Variants in HLA-DPB1 observed in about 807,000 individuals in gnomAD.
HLA-DPB1 encodes the protein major histocompatibility complex, class II, DP beta 1, also known as HLA class II histocompatibility antigen, DP beta 1 chain.
HLA-DPB1 carries 30 observed loss-of-function variants against 29.4 expected under a neutral mutation model. The ratio of observed to expected loss-of-function variants is 1.02; its 90% CI spans 0.76 to 1.38. The LOEUF is 1.38. Ranked by LOEUF, HLA-DPB1 falls within the 40% of genes most tolerant of loss-of-function variation. The pLI is 0.00. For missense variants in HLA-DPB1, 261 were observed against 327.5 expected (o/e 0.80, Z 1.57); for synonymous variants, 114 against 134.0 (o/e 0.85, Z 1.03).
At chr6:33,086,098 A>G in intron 4 of HLA-DPB1, 121 bp from the exon 5 acceptor site, 1 of 960,648 alleles carries the variant, frequency 1.0e-6, no homozygotes. Context: ...CCAAGTACTC[A>G]GGCTCCTGCG....
intron 5 of HLA-DPB1, 26 bp downstream of exon 5, chr6:33,086,268 GT>G: frequency 6.5e-6 from 10 of 1,546,942 alleles, no homozygotes; most frequent in African/African-American, 1.4e-5. Flanking sequence ...TGATTTCCTT[GT>G]GGGGTGGGTT....
At chr6:33,085,717 C>G (rs965382705) in intron 3 of HLA-DPB1, 62 bp from the exon 4 acceptor site, 1 of 1,093,016 alleles carries the variant, frequency 9.1e-7, no homozygotes, top group Non-Finnish European at 1.4e-6. Flanking sequence ...GAATCTCAGA[C>G]AGGACATGAG....
Position 33,080,642 on chromosome 6 carries a change from C to T in HLA-DPB1, c.101-30C>T. On this transcript the variant is annotated intron_variant, in intron 1 of 5. Transcript: ENST00000418931. This position sits in a 1 kb window ranked among gnomAD's most constrained non-coding sequence, Gnocchi z 4.3. ...GAAAGAGGATTAGATGAGAGTGGCG[C>T]CTCCGCTCATGTCCGCCCCCTCCCC... 6.2e-7 allele frequency: 1 copy of T among 1,611,958 alleles called. No homozygotes were observed. Among genetic ancestry groups the T allele is most frequent in the South Asian group, 1.1e-5 (1 of 91,038 alleles).
At chr6:33,078,290 A>G (rs1762657897) in intron 1 of HLA-DPB1, among the ~76,000 whole-genome samples, 1 of 152,122 alleles carries the variant, frequency 6.6e-6, no homozygotes, top group Non-Finnish European at 1.5e-5. Context: ...GCGTAGAATG[A>G]ATGTTCAATC....
chr6:33,084,974 C>T lies in HLA-DPB1; in HGVS notation c.389C>T (p.Pro130Leu), dbSNP rs1182203666. The change falls in exon 3 of 6, where the codon CCC becomes CTC. Residue 130 changes from proline to leucine, a missense_variant. Transcript: ENST00000418931. ...RRVQPRVNVS[P>L]SKKGPLQHHN... is the part of the protein sequence containing the mutation. ...GTCCAGCCTAGGGTGAATGTTTCCC[C>T]CTCCAAGAAGGGGCCCTTGCAGCAC... The T allele has an allele frequency of 2.5e-6, 4 of 1,593,978 alleles. 1 individual carries two copies. The highest frequency in any genetic ancestry group is 3.4e-6 in the Non-Finnish European group (4 of 1,163,736).
In HLA-DPB1 at chr6:33,086,899, C is replaced by A. The variant is rs143935385; in HGVS notation, c.*365C>A. 9.8e-4 allele frequency: 268 copies of A among 273,208 alleles called. 2 individuals carry two copies. The highest frequency in any genetic ancestry group is 6.0e-3 in the African/African-American group (256 of 43,006). The allele number at this position is 273,208 out of a possible 1,614,324, so 16.9% of individuals were successfully genotyped here. A position where few individuals can be genotyped will look rare whatever the true frequency, so the allele number is the denominator to read the frequency against. ...GTTTAAACATAGGAAAGAAGAGAAC[C>A]ATGAAAATGGGGATATGTTAACTAT... is the stretch of plus-strand genomic sequence containing the variant. On this transcript the variant is annotated 3_prime_UTR_variant, in exon 6 of 6. Coordinates refer to ENST00000418931, the MANE Select transcript of HLA-DPB1 (RefSeq NM_002121.6).
Position 33,088,531 on chromosome 6 carries a change from G to A in HLA-DPB1, c.*1997G>A, listed in dbSNP as rs1025833134. 6.6e-6 allele frequency among the ~76,000 whole-genome samples: 1 copy of A among 152,170 alleles called. No individual in the cohort carries two copies. The highest frequency in any genetic ancestry group is 2.4e-5 in the African/African-American group (1 of 41,442). On this transcript the variant is annotated 3_prime_UTR_variant, in exon 6 of 6. Transcript: ENST00000418931. The stretch of plus-strand genomic sequence containing the variant: ...GATGTGTCTCACTCTGACATATGCA[G>A]GTGTTTATGAAACTCTGGGATTTCT...
chr6:33,082,583 G>A (rs1338901827), intron 2 of HLA-DPB1, among the ~76,000 whole-genome samples: 1 of 152,154 alleles, frequency 6.6e-6, no homozygotes, highest in Non-Finnish European at 1.5e-5. Context: ...AGACTACTAA[G>A]GGTGCTGGCT....
At chr6:33,086,041 A>T in intron 4 of HLA-DPB1, 152 bp downstream of exon 4, 1 of 776,566 alleles carries the variant, frequency 1.3e-6, no homozygotes. Context: ...CTATAGCGAG[A>T]GAGGGATCCC....
intron 4 of HLA-DPB1, 105 bp downstream of exon 4, chr6:33,085,994 G>GACCAA (rs1274058423): frequency 4.8e-6 from 4 of 828,618 alleles, no homozygotes; most frequent in Non-Finnish European, 7.8e-6. Flanking sequence ...AAGCTCTAGA[G>GACCAA]GCCACTGATA....
intron 2 of HLA-DPB1, among the ~76,000 whole-genome samples, chr6:33,082,820 T>C (rs1762934372): frequency 6.6e-6 from 1 of 152,166 alleles, no homozygotes; most frequent in African/African-American, 2.4e-5. Context: ...CAAACAGGAA[T>C]CCTTGCCTTG....
Position 33,089,649 on chromosome 6 carries a change from A to G in HLA-DPB1, c.*3115A>G, listed in dbSNP as rs1763264931. Among the ~76,000 whole-genome samples the G allele has an allele frequency of 6.6e-6, 1 of 152,248 alleles. No individual in the cohort carries two copies. Among genetic ancestry groups the G allele is most frequent in the African/African-American group, 2.4e-5 (1 of 41,462 alleles). ...GTGGGAATACTTGAAGGTGGAAAAC[A>G]TTTAAGAAGTACACACTAAATAAAT... is the stretch of plus-strand genomic sequence containing the variant. On this transcript the variant is annotated 3_prime_UTR_variant, in exon 6 of 6. Transcript: ENST00000418931.
rs41542615 is a variant in HLA-DPB1, at chr6:33,080,925, G to A, written c.354G>A (p.Leu118=). 6.3e-7 allele frequency: 1 copy of A among 1,593,050 alleles called. No individual in the cohort carries two copies. ...ACGAGCTGGGCGGGCCCATGACCCT[G>A]CAGCGCCGAGGTGAGTGAGGGCTTT... ...HNYELGGPMT[L]QRRVQPRVNV... The change falls in exon 2 of 6, where the codon CTG becomes CTA. Residue 118 remains leucine, a synonymous_variant. Coordinates refer to ENST00000418931, the MANE Select transcript of HLA-DPB1 (RefSeq NM_002121.6). This position sits in a 1 kb window ranked among gnomAD's most constrained non-coding sequence, Gnocchi z 4.3.
At position 33,080,901 on chromosome 6, in the gene HLA-DPB1, C is replaced by G. The variant is rs768075332; in HGVS notation, c.330C>G (p.Tyr110Ter). Reference sequence around the variant, plus strand: ...CGGACAGGATGTGCAGACACAACTACGAGCTGGGCGGGCCCATGACCCTGC... The same window carrying G: ...CGGACAGGATGTGCAGACACAACTAGGAGCTGGGCGGGCCCATGACCCTGC... Reference protein sequence around the residue: ...AVPDRMCRHNYELGGPMTLQR... With the variant: ...AVPDRMCRHN The change falls in exon 2 of 6, where the codon TAC becomes TAG. Residue 110 changes from tyrosine (Y) to a stop codon, truncating the protein, a stop_gained. Coordinates refer to ENST00000418931, the MANE Select transcript of HLA-DPB1 (RefSeq NM_002121.6). LOFTEE classifies it high-confidence loss of function. This position sits in a 1 kb window ranked among gnomAD's most constrained non-coding sequence, Gnocchi z 4.3. The G allele has an allele frequency of 1.2e-6, 2 of 1,607,356 alleles. No individual in the cohort carries two copies. The highest frequency in any genetic ancestry group is 2.2e-5 in the East Asian group (1 of 44,844).
intron 1 of HLA-DPB1, chr6:33,079,776 C>T: frequency 4.1e-6 from 2 of 485,630 alleles, no homozygotes; most frequent in Non-Finnish European, 8.1e-6. Context: ...TCCAGAACTG[C>T]AAAGTCATCA....
At chr6:33,084,849 AAAGGAAGG>A (rs150519959) in intron 2 of HLA-DPB1, 93 bp from the exon 3 acceptor site, 8,409 of 662,566 alleles carry the variant, frequency 0.013, 621 homozygotes, top group East Asian at 0.043. Flanking sequence ...GTCTCAAAAA[AAAGGAAGG>A]AAGGAAGGAA....
intron 2 of HLA-DPB1, among the ~76,000 whole-genome samples, chr6:33,081,717 C>T (rs1459312932): frequency 1.3e-5 from 2 of 152,054 alleles, no homozygotes; most frequent in South Asian, 4.1e-4. Context: ...CTGAGTGTGG[C>T]GCATCCTCCT....
Position 33,086,773 on chromosome 6 carries a change from G to A in HLA-DPB1, c.*239G>A, listed in dbSNP as rs931. 0.23 allele frequency: 70,071 copies of A among 303,976 alleles called. 13,384 individuals carry two copies. Among genetic ancestry groups the A allele is most frequent in the African/African-American group, 0.55 (23,663 of 43,268 alleles). The allele number at this position is 303,976 out of a possible 1,614,324, so 18.8% of individuals were successfully genotyped here. A position where few individuals can be genotyped will look rare whatever the true frequency, so the allele number is the denominator to read the frequency against. ...ACCACAAATAATCAAAACCCAACAT[G>A]ACTGTTTGTTTTCCTTTAAAAATAT... On this transcript the variant is annotated 3_prime_UTR_variant, in exon 6 of 6. Coordinates refer to ENST00000418931, the MANE Select transcript of HLA-DPB1 (RefSeq NM_002121.6).
In HLA-DPB1 at chr6:33,088,662, G is replaced by A. The variant is rs1232875004; in HGVS notation, c.*2128G>A. ...AGACTTCAAATTTTCAATATTGATA[G>A]AGTGTTTTCTAAGAGTCAGGCCCTT... On this transcript the variant is annotated 3_prime_UTR_variant, in exon 6 of 6. Transcript: ENST00000418931. Among the ~76,000 whole-genome samples, 2 of 152,150 alleles carry A rather than the reference G, an allele frequency of 1.3e-5. No individual in the cohort carries two copies. The highest frequency in any genetic ancestry group is 4.8e-5 in the African/African-American group (2 of 41,420).
Sources: gnomAD v4.1 joint callset for allele counts (sites outside exome capture counted in the v4.1 genomes callset) on GRCh38, gnomAD v4.1.1 for gene constraint, Gnocchi (gnomAD v3.1) non-coding constraint, MANE v1.5 for transcripts, NCBI Gene and HGNC (gene_info 2026-07-23, HGNC 2026-07-21) for gene names.